The following STAP1 variants were observed in gnomAD, a reference collection of about 807,000 sequenced individuals.
STAP1 encodes signal-transducing adaptor protein 1.
In STAP1, 30 loss-of-function variants were observed where a neutral mutation model predicts 37.8. The observed-to-expected ratio is 0.79, with a 90% CI of 0.59 to 1.08. The LOEUF (loss-of-function observed/expected upper bound fraction) is 1.08, where lower values mean the gene tolerates loss of function less well. Ranked by LOEUF, STAP1 falls within the 50% of genes least tolerant of loss-of-function variation. The probability of loss-of-function intolerance (pLI) is 0.00; values close to 1 mark genes in which losing one functional copy is unlikely to be tolerated. For missense variants in STAP1, 357 were observed against 349.4 expected, an observed-to-expected ratio of 1.02 and a Z score of -0.17; for synonymous variants, 130 against 116.0, an observed-to-expected ratio of 1.12 and a Z score of -0.78.
At chr4:67,569,426 T>A (rs1048469521) in intron 1 of STAP1, among the ~76,000 whole-genome samples, 2 of 152,162 alleles carry the variant, frequency 1.3e-5, no homozygotes, top group Admixed American at 6.6e-5. Context: ...AAAATGTTTT[T>A]CTTTTTCATT....
chr4:67,582,613 C>G (rs1727889160), intron 5 of STAP1, among the ~76,000 whole-genome samples: 1 of 143,274 alleles, frequency 7.0e-6, no homozygotes, highest in Non-Finnish European at 1.5e-5. Flanking sequence ...CAGGCTTCTA[C>G]CAGATTTTTT....
At chr4:67,606,224 AC>A in intron 8 of STAP1, 71 bp from the exon 9 acceptor site, 1 of 1,278,356 alleles carries the variant, frequency 7.8e-7, no homozygotes. Context: ...AAATCAACTC[AC>A]TGAAAATAAA....
intron 1 of STAP1, among the ~76,000 whole-genome samples, chr4:67,569,133 G>T (rs1727542220): frequency 6.6e-6 from 1 of 152,144 alleles, no homozygotes; most frequent in Non-Finnish European, 1.5e-5. Flanking sequence ...CTACAAACCT[G>T]TATAGCATGT....
At chr4:67,583,851 C>G in intron 6 of STAP1, 149 bp downstream of exon 6, 15 of 859,766 alleles carry the variant, frequency 1.7e-5, no homozygotes, top group Non-Finnish European at 2.4e-5. Flanking sequence ...GTAATCTCAA[C>G]ACTTCGGGAG....
At chr4:67,571,321 G>T (rs540352969) in intron 2 of STAP1, among the ~76,000 whole-genome samples, 166 bp downstream of exon 2, 4 of 152,156 alleles carry the variant, frequency 2.6e-5, no homozygotes, top group Admixed American at 2.6e-4. Context: ...TCACAGGAAC[G>T]ATGGTAAATT....
chr4:67,559,039 ATCT>A, intron 1 of STAP1, 110 bp downstream of exon 1: 3 of 1,126,052 alleles, frequency 2.7e-6, no homozygotes, highest in South Asian at 2.4e-5. Flanking sequence ...AAATTAAATC[ATCT>A]TCTCTTCTTT....
chr4:67,581,451 T>G lies in STAP1; in HGVS notation c.510T>G (p.Asp170Glu), dbSNP rs1727856528. ...AGGAACCAACTGAAGATTATGTGGA[T>G]GTACTGAACCCTATGCCAGCGTAAG... is the stretch of plus-strand genomic sequence containing the variant. ...KEKEPTEDYV[D>E]VLNPMPACFY... Residue 170 changes from aspartate (D) to glutamate (E), a missense_variant, in exon 5 of 9, where the codon GAT (aspartate) becomes GAG (glutamate). By Grantham distance (45) the Asp-to-Glu change is conservative. Transcript: ENST00000265404. 6.2e-7 allele frequency: 1 copy of G among 1,612,588 alleles called. No homozygotes were observed. Among genetic ancestry groups the G allele is most frequent in the African/African-American group, 1.3e-5 (1 of 74,864 alleles).
chr4:67,579,642 T>C (rs780439532), intron 4 of STAP1, among the ~76,000 whole-genome samples: 2 of 151,156 alleles, frequency 1.3e-5, no homozygotes, highest in Non-Finnish European at 2.9e-5. Context: ...ATGGTGAGAG[T>C]AGGAAAGAGA....
chr4:67,605,951 T>A (rs1328766987), intron 8 of STAP1, among the ~76,000 whole-genome samples: 1 of 152,158 alleles, frequency 6.6e-6, no homozygotes, highest in African/African-American at 2.4e-5. Flanking sequence ...ATGTCAGCAT[T>A]TGGCTCTCTC....
At chr4:67,585,038 C>T (rs1352966315) in intron 6 of STAP1, among the ~76,000 whole-genome samples, 1 of 152,164 alleles carries the variant, frequency 6.6e-6, no homozygotes, top group Non-Finnish European at 1.5e-5. Flanking sequence ...TTAATAGACT[C>T]CAGCTTTCAA....
intron 4 of STAP1, 78 bp from the exon 5 acceptor site, chr4:67,581,227 C>G: frequency 2.9e-6 from 4 of 1,401,174 alleles, no homozygotes; most frequent in Non-Finnish European, 3.9e-6. Context: ...CCTATAGGAC[C>G]AGAACAGGGT....
rs1267834239 is a variant in STAP1, at chr4:67,583,683, A to C, written c.640A>C (p.Thr214Pro). 3 of 1,612,422 alleles carry C rather than the reference A, an allele frequency of 1.9e-6. No individual in the cohort carries two copies. The African/African-American group carries it at 4.0e-5, about 22-fold the overall frequency. The change falls in exon 6 of 9, where the codon ACT (threonine) becomes CCT (proline). Residue 214 changes from threonine (T) to proline (P), a missense_variant. Physicochemically the swap from Thr to Pro is conservative, Grantham distance 38 (BLOSUM62 -1). Coordinates refer to ENST00000265404, the MANE Select transcript of STAP1 (RefSeq NM_012108.4). ...PGSDSRNYSI[T>P]IRQEIDIPRI... is the part of the protein sequence containing the mutation. ...TAGTGACAGTAGAAACTACTCCATC[A>C]CTATTCGGCAGGAGATAGAGTATGT...
intron 2 of STAP1, among the ~76,000 whole-genome samples, chr4:67,574,151 T>C (rs1169901095): frequency 6.6e-6 from 1 of 152,116 alleles, no homozygotes; most frequent in East Asian, 1.9e-4. Context: ...ATTACTGATA[T>C]GAACAATGTA....
intron 1 of STAP1, 35 bp downstream of exon 1, chr4:67,558,964 T>A: frequency 2.6e-6 from 4 of 1,524,954 alleles, no homozygotes; most frequent in Non-Finnish European, 3.5e-6. Context: ...AACCTAAGAC[T>A]TCTGTTTTAA....
intron 8 of STAP1, among the ~76,000 whole-genome samples, chr4:67,605,529 T>C (rs1021383790): frequency 1.3e-5 from 2 of 152,142 alleles, no homozygotes; most frequent in Non-Finnish European, 2.9e-5. Context: ...GCCTTTGTTA[T>C]AGGGACTGGG....
intron 8 of STAP1, among the ~76,000 whole-genome samples, chr4:67,600,243 A>G (rs1728311579): frequency 6.6e-6 from 1 of 152,014 alleles, no homozygotes; most frequent in African/African-American, 2.4e-5. Context: ...TTTCCTTTTT[A>G]GTTTATTCAT....
intron 8 of STAP1, among the ~76,000 whole-genome samples, chr4:67,603,112 T>C (rs1716284655): frequency 6.6e-6 from 1 of 152,070 alleles, no homozygotes; most frequent in African/African-American, 2.4e-5. Context: ...GGCAAAGCCC[T>C]TCCCATTCAT....
intron 8 of STAP1, among the ~76,000 whole-genome samples, chr4:67,601,117 A>G (rs1466536318): frequency 1.3e-5 from 2 of 151,348 alleles, no homozygotes; most frequent in African/African-American, 2.4e-5. Context: ...CTTGCTTTTT[A>G]TTTTTTGTGT....
intron 1 of STAP1, among the ~76,000 whole-genome samples, chr4:67,561,722 G>A (rs374135760): frequency 6.6e-6 from 1 of 152,120 alleles, no homozygotes; most frequent in African/African-American, 2.4e-5. Flanking sequence ...CATTGGCATC[G>A]CAGTTCTTAC....
Sources: gnomAD v4.1 joint callset for allele counts (sites outside exome capture counted in the v4.1 genomes callset) on GRCh38, gnomAD v4.1.1 for gene constraint, MANE v1.5 for transcripts, NCBI Gene and HGNC (gene_info 2026-07-23, HGNC 2026-07-21) for gene names.